The following AVEN variants were observed in gnomAD, a reference collection of about 807,000 sequenced individuals.
AVEN encodes the protein cell death regulator Aven.
Under a neutral mutation model 38.1 loss-of-function variants are expected in AVEN, and 41 were observed. The observed-to-expected ratio is 1.08, with a 90% CI of 0.84 to 1.40. AVEN has a LOEUF of 1.40. Ranked by LOEUF, AVEN falls within the 40% of genes most tolerant of loss-of-function variation. The pLI, the probability that AVEN is intolerant of heterozygous loss-of-function variation, is 0.00. For missense variants in AVEN, 605 were observed against 438.8 expected (o/e 1.38, Z -3.38); for synonymous variants, 206 against 171.8 (o/e 1.20, Z -1.56).
At chr15:33,854,082 G>A (rs1168230813), downstream of AVEN, among the ~76,000 whole-genome samples, 1 of 151,972 alleles carries the variant, frequency 6.6e-6, no homozygotes, top group Non-Finnish European at 1.5e-5. Context: ...TGTAGTCCCA[G>A]CTGCTTGGGA....
At chr15:33,900,432 C>A (rs1366198499) in intron 2 of AVEN, among the ~76,000 whole-genome samples, 2 of 151,922 alleles carry the variant, frequency 1.3e-5, no homozygotes, top group African/African-American at 4.8e-5. Flanking sequence ...CTCAGCCTCC[C>A]AAACAGCTGG....
rs1472100700 is a variant in AVEN, at chr15:33,887,826, G to A, written c.446-11831C>T. 5.9e-5 allele frequency among the ~76,000 whole-genome samples: 9 copies of A among 152,158 alleles called. 1 individual carries two copies. The South Asian group carries it at 1.5e-3, about 25-fold the overall frequency. The stretch of plus-strand genomic sequence containing the variant: ...ATTTGGTCCACCAAGAAGCTTATGT[G>A]TCTTACTAATAACTTGTCTGACACC... On this transcript the variant is annotated intron_variant, in intron 2 of 5. Transcript: ENST00000306730.
At chr15:33,951,397 A>C (rs1894739585) in intron 2 of AVEN, among the ~76,000 whole-genome samples, 2 of 151,388 alleles carry the variant, frequency 1.3e-5, no homozygotes. Context: ...TTCATTTCAT[A>C]CACCGGGGCC....
At chr15:33,873,274 A>G (rs1436255901) in intron 3 of AVEN, among the ~76,000 whole-genome samples, 1 of 148,588 alleles carries the variant, frequency 6.7e-6, no homozygotes, top group Non-Finnish European at 1.5e-5. Context: ...TAATTTTTGT[A>G]TTTTCAGTAG....
chr15:34,028,367 G>C (rs2078561), intron 1 of AVEN, among the ~76,000 whole-genome samples: 97,622 of 151,990 alleles, frequency 0.64, 36,712 homozygotes, highest in Non-Finnish European at 0.85. Flanking sequence ...GAGTTCGAGA[G>C]CAGCCTGTGC....
rs528117486 is a variant in AVEN at position 34,028,087 on chromosome 15, C to G, written c.267+10693G>C. On this transcript the variant is annotated intron_variant, in intron 1 of 5. Coordinates refer to ENST00000306730, the MANE Select transcript of AVEN (RefSeq NM_020371.3). ...AGAGCACTGAAAGCATAAGCATACC[C>G]CACACACAGAGAGACCCCCCCTCAG... Among the ~76,000 whole-genome samples, 151 of 152,224 alleles carry G rather than the reference C, an allele frequency of 9.9e-4. 1 individual carries two copies. In the Middle Eastern group the frequency reaches 0.024, roughly 24 times the overall value.
intron 2 of AVEN, among the ~76,000 whole-genome samples, chr15:33,914,298 T>C (rs1893033522): frequency 6.6e-6 from 1 of 152,044 alleles, no homozygotes; most frequent in Non-Finnish European, 1.5e-5. Flanking sequence ...TAAAACACAT[T>C]AAAAGCCTGT....
intron 2 of AVEN, among the ~76,000 whole-genome samples, chr15:33,995,609 AAAC>A (rs1896900388): frequency 6.6e-6 from 1 of 152,234 alleles, no homozygotes; most frequent in Admixed American, 6.5e-5. Context: ...GGACCTAATT[AAAC>A]TAAAGAGTTT....
intron 1 of AVEN, among the ~76,000 whole-genome samples, chr15:34,017,064 C>A (rs1441825376): frequency 6.6e-6 from 1 of 151,746 alleles, no homozygotes; most frequent in Non-Finnish European, 1.5e-5. Context: ...CTGGGGAGGT[C>A]AAGGCTGTAA....
At chr15:34,007,301 A>T (rs1897399622) in intron 1 of AVEN, among the ~76,000 whole-genome samples, 1 of 152,042 alleles carries the variant, frequency 6.6e-6, no homozygotes, top group African/African-American at 2.4e-5. Flanking sequence ...AAAATGAAAT[A>T]AAAAAATGAA....
intron 2 of AVEN, among the ~76,000 whole-genome samples, chr15:33,898,960 A>C (rs888155922): frequency 2.0e-5 from 3 of 152,206 alleles, no homozygotes; most frequent in Non-Finnish European, 4.4e-5. Flanking sequence ...ATTCCGAGTA[A>C]AGGGGGAAAT....
At chr15:34,019,544 T>G (rs1898111719) in intron 1 of AVEN, among the ~76,000 whole-genome samples, 1 of 152,234 alleles carries the variant, frequency 6.6e-6, no homozygotes. Flanking sequence ...ACTCACTCAC[T>G]GACTCACTCA....
chr15:33,957,228 G>A (rs1214829086), intron 2 of AVEN, among the ~76,000 whole-genome samples: 2 of 152,090 alleles, frequency 1.3e-5, no homozygotes, highest in Non-Finnish European at 2.9e-5. Context: ...AATTCTCTTA[G>A]GATTTGGAAG....
intron 2 of AVEN, among the ~76,000 whole-genome samples, chr15:33,945,777 G>A (rs1894486327): frequency 6.6e-6 from 1 of 152,076 alleles, no homozygotes; most frequent in African/African-American, 2.4e-5. Flanking sequence ...CGTAGAGACG[G>A]GGTTTCGCTA....
chr15:34,042,389 G>C (rs995818340), upstream of AVEN, among the ~76,000 whole-genome samples: 1 of 149,968 alleles, frequency 6.7e-6, no homozygotes, highest in African/African-American at 2.5e-5. Context: ...ATACATACAT[G>C]ACCTAAGTTT....
chr15:33,876,282 A>G (rs1309369968), intron 2 of AVEN, among the ~76,000 whole-genome samples: 3 of 152,188 alleles, frequency 2.0e-5, no homozygotes, highest in Non-Finnish European at 4.4e-5. Context: ...TCAAAAAGTT[A>G]TGACATAGGC....
At chr15:34,002,982 T>C (rs775704925) in intron 2 of AVEN, 50 bp downstream of exon 2, 2 of 1,443,634 alleles carry the variant, frequency 1.4e-6, no homozygotes, top group Non-Finnish European at 1.9e-6. Context: ...ATAAAATGTC[T>C]GTGCAACTTT....
At chr15:33,857,935 G>A (rs745910822), downstream of AVEN, 3 of 1,379,638 alleles carry the variant, frequency 2.2e-6, no homozygotes, top group East Asian at 4.5e-5. Flanking sequence ...ACCCACTGCG[G>A]GGCCAGCCCA....
At chr15:34,014,367 T>G (rs1223816797) in intron 1 of AVEN, among the ~76,000 whole-genome samples, 1 of 13,576 alleles carries the variant, frequency 7.4e-5, no homozygotes, top group African/African-American at 1.7e-4. Flanking sequence ...TCCATCTCAT[T>G]AAAAAAAAAA....
Sources: allele counts gnomAD v4.1 joint callset (sites outside exome capture counted in the v4.1 genomes callset), GRCh38; gene constraint gnomAD v4.1.1; transcripts MANE v1.5; gene names NCBI Gene and HGNC (gene_info 2026-07-23, HGNC 2026-07-21).